The following ALPK2 variants were observed in gnomAD, a reference collection of about 807,000 sequenced individuals.
The protein encoded by ALPK2 is alpha kinase 2.
A neutral mutation model predicts 163.1 loss-of-function variants in ALPK2; 127 were observed. The ratio of observed to expected loss-of-function variants is 0.78; its 90% CI spans 0.67 to 0.90. ALPK2 has a LOEUF of 0.90. ALPK2 is among the 40% of genes least tolerant of loss of function. The pLI is 0.00. For synonymous variants in ALPK2, 953 were observed against 959.1 expected (o/e 0.99, Z 0.12); for missense variants, 2,360 against 2,589.6 (o/e 0.91, Z 1.92).
chr18:58,615,157 A>G (rs149903578), intron 1 of ALPK2, among the ~76,000 whole-genome samples: 9 of 152,090 alleles, frequency 5.9e-5, no homozygotes, highest in African/African-American at 2.2e-4. Flanking sequence ...ACTTAACACA[A>G]TGTTTTTGGG....
intron 12 of ALPK2, among the ~76,000 whole-genome samples, chr18:58,493,415 C>T (rs1191739354): frequency 1.3e-5 from 2 of 152,148 alleles, no homozygotes; most frequent in Non-Finnish European, 2.9e-5. Context: ...TTCTTCCCAC[C>T]TCCAAGTTTG....
intron 10 of ALPK2, among the ~76,000 whole-genome samples, chr18:58,505,673 C>T (rs925905943): frequency 3.9e-5 from 6 of 152,172 alleles, no homozygotes; most frequent in Non-Finnish European, 8.8e-5. Flanking sequence ...GACTCACATT[C>T]GACATCGAAA....
chr18:58,555,128 G>T (rs766296566), intron 4 of ALPK2, among the ~76,000 whole-genome samples: 4 of 152,202 alleles, frequency 2.6e-5, no homozygotes, highest in African/African-American at 4.8e-5. Flanking sequence ...GGCAGGGTCT[G>T]CCTGGTACAA....
intron 3 of ALPK2, among the ~76,000 whole-genome samples, chr18:58,597,214 TGG>T (rs1479823660): frequency 1.3e-5 from 2 of 152,048 alleles, no homozygotes; most frequent in Non-Finnish European, 2.9e-5. Flanking sequence ...TGCTTGAACC[TGG>T]GAGGTGGAGG....
chr18:58,610,275 CAAAAAAAAAA>C lies in ALPK2; in HGVS notation c.109+1404_109+1413del, dbSNP rs74183283. On this transcript the variant is annotated intron_variant, in intron 2 of 12. Transcript: ENST00000361673. ...GGCAACAGAGCAAGAGACCCTGTCT[CAAAAAAAAAA>C]AAAAAAAAAAAAAGAGCAAGGGGAG... is the stretch of plus-strand genomic sequence containing the variant. Among the ~76,000 whole-genome samples the C allele has an allele frequency of 4.0e-4, 25 of 61,900 alleles. 1 individual carries two copies. Among genetic ancestry groups the C allele is most frequent in the Admixed American group, 4.0e-4 (2 of 5,034 alleles). 40.6% of individuals were successfully genotyped at this position (61,900 alleles called of 152,430 possible).
rs767790566 is a variant in ALPK2 at position 58,535,028 on chromosome 18, C to G, written c.5159G>C (p.Ser1720Thr). The change falls in exon 5 of 13, where the codon AGT becomes ACT. Residue 1720 changes from serine to threonine, a missense_variant. By Grantham distance (58) the Ser-to-Thr change is moderately conservative (BLOSUM62 1). Transcript: ENST00000361673. ...EVKRKPEAPGSGHLAEGVKKK... is the reference protein window; with the variant it reads ...EVKRKPEAPGTGHLAEGVKKK... ...CTTTACTCCCTCAGCTAAATGTCCACTGCCTGGGGCTTCTGGCTTCCTCTT... is the reference window on the plus strand; with the variant it reads ...CTTTACTCCCTCAGCTAAATGTCCAGTGCCTGGGGCTTCTGGCTTCCTCTT... 1 of 1,614,180 alleles carries G rather than the reference C, an allele frequency of 6.2e-7. No individual in the cohort carries two copies. Among genetic ancestry groups the G allele is most frequent in the Admixed American group, 1.7e-5 (1 of 60,028 alleles).
chr18:58,528,999 G>A lies in ALPK2; in HGVS notation c.5501+92C>T, dbSNP rs554342327. Reference sequence around the variant, plus strand: ...TCTCTGCTTCAATTTTCCTTTTCACGTCCTATAATTTATTCTTTTTTCTTT... The same window carrying A: ...TCTCTGCTTCAATTTTCCTTTTCACATCCTATAATTTATTCTTTTTTCTTT... On this transcript the variant is annotated intron_variant, in intron 6 of 12. Transcript: ENST00000361673. 4.1e-5 allele frequency: 62 copies of A among 1,509,872 alleles called. 1 individual carries two copies. Among genetic ancestry groups the A allele is most frequent in the South Asian group, 2.9e-4 (25 of 84,770 alleles). The allele number at this position is 1,509,872 out of a possible 1,614,324, so 93.5% of individuals were successfully genotyped here.
Position 58,580,496 on chromosome 18 carries a change from CAA to C in ALPK2, c.278_279del (p.Phe93TrpfsTer10). The C allele has an allele frequency of 6.2e-7, 1 of 1,614,028 alleles. No homozygotes were observed. The highest frequency in any genetic ancestry group is 1.7e-5 in the Admixed American group (1 of 60,008). On this transcript the variant is annotated frameshift_variant, in exon 4 of 13. Transcript: ENST00000361673. LOFTEE classifies it high-confidence loss of function. Reference protein sequence around the residue: ...AVYQISAKNSFGMICCSASVE... With the variant: ...AVYQISAKNSXGMICCSASVE... ...ACGGAAGCAGAACAACAGATCATTC[CAA>C]AAGAGTTTTTAGCCGAGATTTGATA... is the stretch of plus-strand genomic sequence containing the variant.
intron 4 of ALPK2, among the ~76,000 whole-genome samples, chr18:58,569,620 T>G (rs2051874717): frequency 6.6e-6 from 1 of 152,174 alleles, no homozygotes; most frequent in Non-Finnish European, 1.5e-5. Flanking sequence ...CTAATGACTC[T>G]TTATTGATTA....
chr18:58,502,188 A>G (rs2051435805), intron 11 of ALPK2, among the ~76,000 whole-genome samples: 1 of 151,318 alleles, frequency 6.6e-6, no homozygotes, highest in South Asian at 2.1e-4. Flanking sequence ...ACAAAGAAAA[A>G]AAAAAGGAAA....
chr18:58,525,514 C>T (rs534438113), intron 6 of ALPK2, among the ~76,000 whole-genome samples: 1 of 152,178 alleles, frequency 6.6e-6, no homozygotes, highest in South Asian at 2.1e-4. Flanking sequence ...TTCCTTCCAG[C>T]CTAGAAATTC....
chr18:58,484,427 G>A (rs576167232), intron 12 of ALPK2, among the ~76,000 whole-genome samples: 2 of 152,280 alleles, frequency 1.3e-5, no homozygotes, highest in East Asian at 1.9e-4. Flanking sequence ...AAGCATTGCC[G>A]GCTGGTAAAC....
intron 3 of ALPK2, among the ~76,000 whole-genome samples, chr18:58,596,990 A>T (rs993095939): frequency 6.6e-6 from 1 of 151,140 alleles, no homozygotes; most frequent in South Asian, 2.1e-4. Flanking sequence ...CAAGCTAATT[A>T]AAAAAAAACA....
At chr18:58,597,401 A>C (rs1481892057) in intron 3 of ALPK2, among the ~76,000 whole-genome samples, 1 of 152,214 alleles carries the variant, frequency 6.6e-6, no homozygotes, top group Non-Finnish European at 1.5e-5. Context: ...ACTGTTCAAA[A>C]AGTTTCCTTA....
intron 12 of ALPK2, among the ~76,000 whole-genome samples, chr18:58,495,824 C>T (rs113646482): frequency 3.9e-4 from 60 of 152,076 alleles, no homozygotes; most frequent in African/African-American, 1.3e-3. Context: ...CAGGGCAAGC[C>T]GGAGTGTCCC....
At chr18:58,624,363 A>C (rs9944639) in intron 1 of ALPK2, among the ~76,000 whole-genome samples, 1 of 151,942 alleles carries the variant, frequency 6.6e-6, no homozygotes, top group Non-Finnish European at 1.5e-5. Context: ...AGGAAACAGC[A>C]GGGTCCTGAC....
chr18:58,560,520 C>A (rs1446110085), intron 4 of ALPK2, among the ~76,000 whole-genome samples: 1 of 152,206 alleles, frequency 6.6e-6, no homozygotes, highest in Non-Finnish European at 1.5e-5. Context: ...CTGACCGATG[C>A]TCCTGTCTCC....
intron 3 of ALPK2, among the ~76,000 whole-genome samples, chr18:58,594,797 C>T (rs1018337545): frequency 6.6e-6 from 1 of 152,220 alleles, no homozygotes; most frequent in Non-Finnish European, 1.5e-5. Context: ...TCCTGTCAGA[C>T]ACACTCAGAA....
chr18:58,496,769 G>A (rs1200627471), intron 12 of ALPK2, among the ~76,000 whole-genome samples: 1 of 152,154 alleles, frequency 6.6e-6, no homozygotes, highest in Non-Finnish European at 1.5e-5. Flanking sequence ...GCCCTGGAGA[G>A]ACTTTACTCC....
Sources: allele counts gnomAD v4.1 joint callset (sites outside exome capture counted in the v4.1 genomes callset), GRCh38; gene constraint gnomAD v4.1.1; transcripts MANE v1.5; gene names NCBI Gene and HGNC (gene_info 2026-07-23, HGNC 2026-07-21).